Variants in CDC42SE2 observed in about 807,000 individuals in gnomAD.
CDC42SE2 encodes the protein CDC42 small effector protein 2.
CDC42SE2 carries 3 observed loss-of-function variants against 11.5 expected under a neutral mutation model. The ratio of observed to expected loss-of-function variants is 0.26; its 90% CI spans 0.12 to 0.67. The LOEUF is 0.67. Ranked by LOEUF, CDC42SE2 falls within the 30% of genes least tolerant of loss-of-function variation. The pLI, the probability that CDC42SE2 is intolerant of heterozygous loss-of-function variation, is 0.80. For synonymous variants in CDC42SE2, 33 were observed against 34.8 expected (o/e 0.95, Z 0.18); for missense variants, 82 against 106.8 (o/e 0.77, Z 1.02).
At chr5:131,295,367 C>T (rs1280093883) in intron 1 of CDC42SE2, among the ~76,000 whole-genome samples, 1 of 151,858 alleles carries the variant, frequency 6.6e-6, no homozygotes, top group East Asian at 1.9e-4. Context: ...TAAGTATTGG[C>T]AGTGACCTTA....
rs560772587 is a variant in CDC42SE2 at position 131,362,550 on chromosome 5, G to A, written c.54+3003G>A. Among the ~76,000 whole-genome samples, 5 of 152,216 alleles carry A rather than the reference G, an allele frequency of 3.3e-5. No homozygotes were observed. In the South Asian group the frequency reaches 6.2e-4, roughly 19 times the overall value. On this transcript the variant is annotated intron_variant, in intron 3 of 4. Coordinates refer to ENST00000505065, the MANE Select transcript of CDC42SE2 (RefSeq NM_001375635.1). ...TTACTGAAATAAAGTGCTGCATGCCGACTCTCCCACTTGTTCCCTATCACC... is the reference window on the plus strand; with the variant it reads ...TTACTGAAATAAAGTGCTGCATGCCAACTCTCCCACTTGTTCCCTATCACC...
intron 3 of CDC42SE2, among the ~76,000 whole-genome samples, chr5:131,380,335 CAG>C (rs1274127831): frequency 1.3e-5 from 2 of 152,032 alleles, no homozygotes; most frequent in African/African-American, 4.8e-5. Flanking sequence ...TTAGTGGAGA[CAG>C]GGTTTCGCCA....
intron 3 of CDC42SE2, among the ~76,000 whole-genome samples, chr5:131,373,084 T>G (rs1231027963): frequency 6.6e-6 from 1 of 152,170 alleles, no homozygotes; most frequent in African/African-American, 2.4e-5. Context: ...ACCAGCAATA[T>G]TTTGTTCTCA....
intron 1 of CDC42SE2, among the ~76,000 whole-genome samples, chr5:131,303,992 C>G (rs1203075584): frequency 1.3e-5 from 2 of 151,146 alleles, no homozygotes; most frequent in Admixed American, 6.6e-5. Flanking sequence ...GACAGTCTTG[C>G]TCTCTTGCCC....
the CDC42SE2 span, among the ~76,000 whole-genome samples, chr5:131,211,079 C>T: frequency 1.3e-5 from 2 of 152,166 alleles, no homozygotes; most frequent in South Asian, 2.1e-4. Flanking sequence ...TCAAGTGATC[C>T]GCCCTCCTCG....
intron 1 of CDC42SE2, among the ~76,000 whole-genome samples, chr5:131,271,797 A>G (rs1240201514): frequency 1.3e-5 from 2 of 151,392 alleles, no homozygotes; most frequent in Non-Finnish European, 2.9e-5. Flanking sequence ...TACACATTCA[A>G]CTCCCTTGCG....
the CDC42SE2 span, among the ~76,000 whole-genome samples, chr5:131,211,153 A>G: frequency 1.3e-5 from 2 of 152,114 alleles, no homozygotes; most frequent in Admixed American, 1.3e-4. Context: ...ATTCTTTCAT[A>G]CAAGAATTCT....
intron 1 of CDC42SE2, among the ~76,000 whole-genome samples, chr5:131,284,088 T>A (rs537468625): frequency 6.6e-6 from 1 of 152,210 alleles, no homozygotes; most frequent in Non-Finnish European, 1.5e-5. Context: ...CCATCAGCCG[T>A]GTAGGAAATA....
intron 1 of CDC42SE2, among the ~76,000 whole-genome samples, chr5:131,290,263 A>G (rs1222281970): frequency 1.2e-4 from 19 of 152,142 alleles, no homozygotes. Flanking sequence ...GTGATCTGAA[A>G]ATTGATTTCC....
chr5:131,211,666 A>T, the CDC42SE2 span, among the ~76,000 whole-genome samples: 1 of 152,146 alleles, frequency 6.6e-6, no homozygotes, highest in Non-Finnish European at 1.5e-5. Context: ...TATCTTGGAG[A>T]TTTCCATACC....
chr5:131,219,805 A>C, the CDC42SE2 span, among the ~76,000 whole-genome samples: 1 of 152,108 alleles, frequency 6.6e-6, no homozygotes, highest in Non-Finnish European at 1.5e-5. Flanking sequence ...GGTGTGGTGG[A>C]ATGTGCCTGT....
chr5:131,373,716 A>G (rs964465804), intron 3 of CDC42SE2, among the ~76,000 whole-genome samples: 1 of 152,214 alleles, frequency 6.6e-6, no homozygotes, highest in Admixed American at 6.6e-5. Context: ...GGAAAGAACT[A>G]AAAAACAAAA....
intron 1 of CDC42SE2, among the ~76,000 whole-genome samples, chr5:131,313,692 A>G (rs1025129442): frequency 1.3e-5 from 2 of 152,196 alleles, no homozygotes; most frequent in East Asian, 1.9e-4. Context: ...CTCTCTGCCT[A>G]CTAGTACAGT....
At chr5:131,346,189 T>A (rs1489847706) in intron 2 of CDC42SE2, among the ~76,000 whole-genome samples, 1 of 152,042 alleles carries the variant, frequency 6.6e-6, no homozygotes, top group African/African-American at 2.4e-5. Flanking sequence ...AATGTTCCAA[T>A]TAAAAGACAC....
At chr5:131,326,202 T>G (rs1758298320) in intron 2 of CDC42SE2, among the ~76,000 whole-genome samples, 1 of 152,046 alleles carries the variant, frequency 6.6e-6, no homozygotes, top group Non-Finnish European at 1.5e-5. Context: ...CCTCCCGGGT[T>G]CACACCATTC....
chr5:131,214,521 G>A, the CDC42SE2 span, among the ~76,000 whole-genome samples: 3 of 152,122 alleles, frequency 2.0e-5, no homozygotes, highest in Non-Finnish European at 4.4e-5. Flanking sequence ...TTTTACTCTG[G>A]CAATGGAACA....
intron 1 of CDC42SE2, among the ~76,000 whole-genome samples, chr5:131,276,344 G>A (rs1757101954): frequency 6.6e-6 from 1 of 151,414 alleles, no homozygotes; most frequent in Non-Finnish European, 1.5e-5. Context: ...TCCTACTCAG[G>A]AGGCTGAGGT....
At chr5:131,360,454 T>C (rs902224492) in intron 3 of CDC42SE2, among the ~76,000 whole-genome samples, 3 of 152,124 alleles carry the variant, frequency 2.0e-5, no homozygotes, top group African/African-American at 7.2e-5. Context: ...AAATAAAATG[T>C]TACTTACATA....
chr5:131,278,907 C>CAG (rs1757172774), intron 1 of CDC42SE2, among the ~76,000 whole-genome samples: 3 of 145,304 alleles, frequency 2.1e-5, no homozygotes, highest in African/African-American at 7.8e-5. Flanking sequence ...GCCTCAGCCT[C>CAG]CCGAGTAGGT....
Sources: allele counts gnomAD v4.1 joint callset (sites outside exome capture counted in the v4.1 genomes callset), GRCh38; gene constraint gnomAD v4.1.1; transcripts MANE v1.5; gene names NCBI Gene and HGNC (gene_info 2026-07-23, HGNC 2026-07-21).